REPS2: variants seen among roughly 807,000 people sequenced by gnomAD.
REPS2 encodes RALBP1 associated Eps domain containing 2.
In REPS2, 23 loss-of-function variants were observed where a neutral mutation model predicts 53.6. That is an observed-to-expected ratio of 0.43 (90% CI 0.31 to 0.61). REPS2 has a LOEUF of 0.61. REPS2 is among the 20% of genes least tolerant of loss of function. The pLI, the probability that REPS2 is intolerant of heterozygous loss-of-function variation, is 0.11. For synonymous variants in REPS2, 238 were observed against 218.6 expected (o/e 1.09, Z -0.78); for missense variants, 446 against 534.9 (o/e 0.83, Z 1.64).
intron 8 of REPS2, among the ~76,000 whole-genome samples, chrX:17,056,175 T>C (rs2062067935): frequency 8.9e-6 from 1 of 111,957 alleles, no homozygotes; most frequent in South Asian, 3.7e-4. Context: ...GTGTATTACC[T>C]GTTTTTCTCA....
chrX:16,993,978 G>A (rs2061194079), intron 1 of REPS2, among the ~76,000 whole-genome samples: 1 of 112,728 alleles, frequency 8.9e-6, no homozygotes, highest in Non-Finnish European at 1.9e-5. Context: ...ACAACTAGGG[G>A]GCAGTACTGC....
chrX:16,953,119 ACACACACACACACAC>A (rs2060540995), intron 1 of REPS2, among the ~76,000 whole-genome samples: 1 of 87,424 alleles, frequency 1.1e-5, no homozygotes, highest in South Asian at 5.2e-4. Flanking sequence ...ACACACACAC[ACACACACACACACAC>A]ACACACACAC....
At chrX:17,112,149 A>T (rs967513775) in intron 14 of REPS2, among the ~76,000 whole-genome samples, 1 of 110,453 alleles carries the variant, frequency 9.1e-6, no homozygotes, top group Non-Finnish European at 1.9e-5. Flanking sequence ...TTGTAGAGAC[A>T]GGGTCTTCCT....
chrX:17,108,918 C>CTT (rs566199087), intron 14 of REPS2, among the ~76,000 whole-genome samples: 7 of 86,656 alleles, frequency 8.1e-5, no homozygotes, highest in Non-Finnish European at 1.1e-4. Flanking sequence ...AACAACAGAA[C>CTT]TTTTTTTTTT....
At chrX:17,159,650 C>T in the REPS2 span, among the ~76,000 whole-genome samples, 4 of 111,594 alleles carry the variant, frequency 3.6e-5, no homozygotes, top group Admixed American at 3.8e-4. Context: ...CCCCCAGCCC[C>T]CCAATGCACA....
At chrX:17,059,017 T>C (rs1056889182) in intron 8 of REPS2, among the ~76,000 whole-genome samples, 20 of 105,533 alleles carry the variant, frequency 1.9e-4, no homozygotes, top group Admixed American at 7.1e-4. Context: ...TTCTTTCTTT[T>C]TTTTTTTTTT....
Position 17,074,096 on chromosome X carries a change from G to A in REPS2, c.1334-18G>A. 1 of 1,205,553 alleles carries A rather than the reference G, an allele frequency of 8.3e-7. No homozygotes were observed. Among genetic ancestry groups the A allele is most frequent in the South Asian group, 1.8e-5 (1 of 56,638 alleles). The stretch of plus-strand genomic sequence containing the variant: ...GTTTAACTGCAGAAATGAAACCCAA[G>A]CAATATCTTTGTTTCAGCAACTCCC... On this transcript the variant is annotated intron_variant, in intron 11 of 17. Coordinates refer to ENST00000357277, the MANE Select transcript of REPS2 (RefSeq NM_004726.3).
chrX:17,077,198 T>C (rs987981458), intron 12 of REPS2, 73 bp from the exon 13 acceptor site: 21 of 1,060,259 alleles, frequency 2.0e-5, no homozygotes, highest in Non-Finnish European at 2.5e-5. Flanking sequence ...TCGTGGGTAT[T>C]TTCCATTTCA....
intron 1 of REPS2, among the ~76,000 whole-genome samples, chrX:16,967,615 G>GATCAC (rs1455167344): frequency 9.0e-6 from 1 of 110,514 alleles, no homozygotes; most frequent in African/African-American, 3.3e-5. Flanking sequence ...AGGGAGACGT[G>GATCAC]ATCACACCAT....
At position 17,147,578 on chromosome X, in the gene REPS2, T is replaced by C. The variant is rs1051553205; in HGVS notation, c.*97T>C. The C allele has an allele frequency of 3.1e-6, 2 of 645,930 alleles. No homozygotes were observed. Among genetic ancestry groups the C allele is most frequent in the Non-Finnish European group, 4.7e-6 (2 of 426,161 alleles). The allele number at this position is 645,930 out of a possible 1,213,427, so 53.2% of individuals were successfully genotyped here. A position where few individuals can be genotyped will look rare whatever the true frequency, so the allele number is the denominator to read the frequency against. ...ACTACTTGTCATAGATGTTTGACTG[T>C]GTCAAAAGCTGTGAGCAGCAAAATA... On this transcript the variant is annotated 3_prime_UTR_variant, in exon 18 of 18. Transcript: ENST00000357277.
chrX:17,077,745 C>T (rs5924547), intron 13 of REPS2, among the ~76,000 whole-genome samples: 1 of 111,412 alleles, frequency 9.0e-6, no homozygotes, highest in Non-Finnish European at 1.9e-5. Flanking sequence ...CAAGATAGAT[C>T]GCTGTCTGTC....
intron 14 of REPS2, among the ~76,000 whole-genome samples, chrX:17,132,520 C>A: frequency 8.9e-6 from 1 of 112,922 alleles, no homozygotes; most frequent in East Asian, 2.8e-4. Flanking sequence ...ATCAGTCCAG[C>A]TTCATAGACA....
chrX:17,002,630 T>A (rs2061321241), intron 1 of REPS2, among the ~76,000 whole-genome samples: 1 of 112,136 alleles, frequency 8.9e-6, no homozygotes, highest in Non-Finnish European at 1.9e-5. Flanking sequence ...GAGGTACAAT[T>A]TGTAAGCATG....
At chrX:17,086,201 G>A (rs763052822) in intron 13 of REPS2, among the ~76,000 whole-genome samples, 1 of 111,659 alleles carries the variant, frequency 9.0e-6, no homozygotes, top group Admixed American at 9.5e-5. Context: ...TAATAGGTAG[G>A]TCTAGGCTTG....
At chrX:17,006,090 C>T (rs1253907262) in intron 1 of REPS2, 131 bp from the exon 2 acceptor site, 1 of 618,509 alleles carries the variant, frequency 1.6e-6, no homozygotes, top group African/African-American at 2.2e-5. Flanking sequence ...GACCAGTGGG[C>T]ACACAGAGGT....
the REPS2 span, among the ~76,000 whole-genome samples, chrX:17,172,042 C>T: frequency 9.0e-6 from 1 of 111,534 alleles, no homozygotes; most frequent in East Asian, 2.8e-4. Context: ...CCCCATGATA[C>T]GCTTGCCCTG....
At chrX:17,019,978 G>T (rs1020192671) in intron 2 of REPS2, among the ~76,000 whole-genome samples, 3 of 112,296 alleles carry the variant, frequency 2.7e-5, no homozygotes, top group African/African-American at 9.7e-5. Flanking sequence ...CTTCTGTTAA[G>T]TGAGAGTTGC....
rs747378447 is a variant in REPS2 at position 17,143,077 on chromosome X, C to T, written c.1914+4116C>T. ...CAAGCCAGTATCAAAAGGTTGTGTA[C>T]TGTATGATTCCTTTTATTTGACATT... On this transcript the variant is annotated intron_variant, in intron 17 of 17. Transcript: ENST00000357277. Among the ~76,000 whole-genome samples, 9 of 111,854 alleles carry T rather than the reference C, an allele frequency of 8.0e-5. No individual in the cohort carries two copies. In the South Asian group the frequency reaches 3.4e-3, roughly 42 times the overall value.
chrX:16,992,426 A>G (rs1254624624), intron 1 of REPS2, among the ~76,000 whole-genome samples: 1 of 112,212 alleles, frequency 8.9e-6, no homozygotes, highest in Non-Finnish European at 1.9e-5. Flanking sequence ...GACATGGAGT[A>G]TTTTAAAAAA....
Sources: gnomAD v4.1 joint callset for allele counts (sites outside exome capture counted in the v4.1 genomes callset) on GRCh38, gnomAD v4.1.1 for gene constraint, MANE v1.5 for transcripts, NCBI Gene and HGNC (gene_info 2026-07-23, HGNC 2026-07-21) for gene names.